CTSS: variants seen among roughly 807,000 people sequenced by gnomAD.
CTSS encodes the protein cathepsin S.
In CTSS, 15 loss-of-function variants were observed where a neutral mutation model predicts 39.9. The ratio of observed to expected loss-of-function variants is 0.38; its 90% CI spans 0.25 to 0.58. The LOEUF is 0.58. CTSS is among the 20% of genes least tolerant of loss of function. The pLI is 0.70. For synonymous variants in CTSS, 126 were observed against 138.2 expected (o/e 0.91, Z 0.62); for missense variants, 250 against 398.2 (o/e 0.63, Z 3.17).
intron 2 of CTSS, among the ~76,000 whole-genome samples, chr1:150,759,542 T>C (rs1653207405): frequency 6.6e-6 from 1 of 152,220 alleles, no homozygotes; most frequent in Non-Finnish European, 1.5e-5. Context: ...TTTATCGCAA[T>C]GACAATATTT....
intron 4 of CTSS, among the ~76,000 whole-genome samples, chr1:150,754,131 T>C (rs1416722859): frequency 7.8e-6 from 1 of 128,332 alleles, no homozygotes; most frequent in East Asian, 2.5e-4. Flanking sequence ...TTTTTTTTTT[T>C]AAGACAGGGT....
intron 3 of CTSS, 146 bp downstream of exon 3, chr1:150,757,712 C>T: frequency 1.5e-6 from 1 of 650,524 alleles, no homozygotes. Context: ...TGTACACGTT[C>T]TTACGTCCTT....
intron 2 of CTSS, 91 bp from the exon 3 acceptor site, chr1:150,758,071 A>C: frequency 1.7e-6 from 2 of 1,209,130 alleles, no homozygotes; most frequent in Non-Finnish European, 2.3e-6. Context: ...TTTTTTTGAG[A>C]TGGAGTCTCA....
chr1:150,733,909 T>C (rs1652576987), intron 7 of CTSS, among the ~76,000 whole-genome samples: 1 of 152,130 alleles, frequency 6.6e-6, no homozygotes, highest in South Asian at 2.1e-4. Context: ...AAATCATGGG[T>C]CGGATTAGGG....
At chr1:150,751,532 G>A (rs1225349097) in intron 5 of CTSS, among the ~76,000 whole-genome samples, 2 of 152,154 alleles carry the variant, frequency 1.3e-5, no homozygotes, top group Non-Finnish European at 2.9e-5. Context: ...ATAGGTATGA[G>A]CCACTACGCC....
chr1:150,763,897 C>T (rs1014819682), intron 2 of CTSS, among the ~76,000 whole-genome samples: 2 of 152,098 alleles, frequency 1.3e-5, no homozygotes, highest in Admixed American at 6.5e-5. Flanking sequence ...CTGATTTGCC[C>T]TTGGCCTGAG....
rs374918810 is a variant in CTSS at position 150,743,109 on chromosome 1, T to A, written c.896+4668A>T. Among the ~76,000 whole-genome samples, 128 of 151,858 alleles carry A rather than the reference T, an allele frequency of 8.4e-4. 3 individuals are homozygous for A. The South Asian group carries it at 0.026, about 30-fold the overall frequency. ...GTGAGTTTGCTTTGATATAGATGAG[T>A]TTGCTTTGATATAGCAAACTCATGT... On this transcript the variant is annotated intron_variant, in intron 7 of 7. Transcript: ENST00000368985.
intron 7 of CTSS, among the ~76,000 whole-genome samples, chr1:150,742,182 T>G: frequency 1.7e-5 from 1 of 59,086 alleles, no homozygotes; most frequent in Non-Finnish European, 5.9e-5. Context: ...GCTTGAACCT[T>G]AAAGGCAGAG....
In CTSS at chr1:150,731,486, T is replaced by G. The variant is rs1167760887; in HGVS notation, c.*1560A>C. 4 of 152,242 alleles carry G rather than the reference T, an allele frequency of 2.6e-5. No homozygotes were observed. Among genetic ancestry groups the G allele is most frequent in the Admixed American group, 6.5e-5 (1 of 15,280 alleles). 9.4% of individuals were successfully genotyped at this position (152,242 alleles called of 1,614,324 possible). ...TAGCCATGTATTATGGTATTATTTA[T>G]GTTTTTATATTTAGCAATTCTTGTT... On this transcript the variant is annotated 3_prime_UTR_variant, in exon 8 of 8. Coordinates refer to ENST00000368985, the MANE Select transcript of CTSS (RefSeq NM_004079.5).
At chr1:150,739,770 A>G (rs1357189831) in intron 7 of CTSS, among the ~76,000 whole-genome samples, 1 of 152,222 alleles carries the variant, frequency 6.6e-6, no homozygotes, top group Non-Finnish European at 1.5e-5. Flanking sequence ...AGTGGCCTAG[A>G]TAAAAGAGCA....
chr1:150,757,730 A>G, intron 3 of CTSS, 128 bp downstream of exon 3: 1 of 808,768 alleles, frequency 1.2e-6, no homozygotes, highest in Admixed American at 3.1e-5. Flanking sequence ...CTTCAATTCT[A>G]CTGTTTTCCA....
chr1:150,758,012 C>T (rs1422527639), intron 2 of CTSS, 32 bp from the exon 3 acceptor site: 1 of 1,601,514 alleles, frequency 6.2e-7, no homozygotes, highest in Non-Finnish European at 8.5e-7. Flanking sequence ...CATAGTCATA[C>T]TGCATCCTGG....
rs199930336 is a variant in CTSS, at chr1:150,764,738, A to C, written c.26T>G (p.Leu9Trp). ...CTGTGCCACTGCAGAGGAGCACACCAAGAGCACACAAACCAGCCGTTTCAT... is the reference window on the plus strand; with the variant it reads ...CTGTGCCACTGCAGAGGAGCACACCCAGAGCACACAAACCAGCCGTTTCAT... MKRLVCVL[L>W]VCSSAVAQLH... Residue 9 changes from leucine (L) to tryptophan (W), a missense_variant, in exon 2 of 8, where the codon TTG (leucine) becomes TGG (tryptophan). Leu to Trp is a moderately conservative substitution (Grantham distance 61, BLOSUM62 -2). Transcript: ENST00000368985. 11 of 1,614,100 alleles carry C rather than the reference A, an allele frequency of 6.8e-6. No homozygotes were observed. The highest frequency in any genetic ancestry group is 9.3e-6 in the Non-Finnish European group (11 of 1,179,958).
At chr1:150,756,295 C>T (rs1352117509) in intron 3 of CTSS, among the ~76,000 whole-genome samples, 2 of 152,150 alleles carry the variant, frequency 1.3e-5, no homozygotes, top group Non-Finnish European at 2.9e-5. Context: ...TACTGGATGC[C>T]TCCTGAAGGA....
At chr1:150,761,498 G>A (rs903645067) in intron 2 of CTSS, among the ~76,000 whole-genome samples, 14 of 152,090 alleles carry the variant, frequency 9.2e-5, no homozygotes, top group African/African-American at 2.9e-4. Context: ...ATGGGAGGCC[G>A]AAGCAGGCAG....
At chr1:150,748,006 A>T in intron 6 of CTSS, 127 bp from the exon 7 acceptor site, 1 of 661,446 alleles carries the variant, frequency 1.5e-6, no homozygotes. Context: ...AAAGTTAAGG[A>T]CATGTCCAGG....
At position 150,751,570 on chromosome 1, in the gene CTSS, G is replaced by T. The variant is rs587616898; in HGVS notation, c.627+211C>A. Among the ~76,000 whole-genome samples the T allele has an allele frequency of 4.8e-4, 73 of 152,278 alleles. 1 individual carries two copies. Among genetic ancestry groups the T allele is most frequent in the African/African-American group, 1.7e-3 (71 of 41,556 alleles). On this transcript the variant is annotated intron_variant, in intron 5 of 7. Transcript: ENST00000368985. ...GTCATTAAAATCTGTTTTTAAGCAT[G>T]AATGCTACTTCCTTATTTGTACTAC...
rs1652639404 is a variant in CTSS at position 150,736,518 on chromosome 1, T to C, written c.897-3373A>G. ...ATCCTACTATGGTCACTGCATTAAA[T>C]AATAGGTAAAATAAATCATTTTAGG... On this transcript the variant is annotated intron_variant, in intron 7 of 7. Coordinates refer to ENST00000368985, the MANE Select transcript of CTSS (RefSeq NM_004079.5). Among the ~76,000 whole-genome samples the C allele has an allele frequency of 4.6e-5, 7 of 152,308 alleles. No individual in the cohort carries two copies. In the South Asian group the frequency reaches 1.5e-3, roughly 32 times the overall value.
At chr1:150,754,359 C>T (rs886280267) in intron 4 of CTSS, among the ~76,000 whole-genome samples, 1 of 151,936 alleles carries the variant, frequency 6.6e-6, no homozygotes, top group South Asian at 2.1e-4. Context: ...AGTGATCTGC[C>T]TCCCTTGACC....
Sources: gnomAD v4.1 joint callset for allele counts (sites outside exome capture counted in the v4.1 genomes callset) on GRCh38, gnomAD v4.1.1 for gene constraint, MANE v1.5 for transcripts, NCBI Gene and HGNC (gene_info 2026-07-23, HGNC 2026-07-21) for gene names.